LRRC4C: variants seen among roughly 807,000 people sequenced by gnomAD.
LRRC4C encodes the protein leucine-rich repeat-containing protein 4C.
A neutral mutation model predicts 33.6 loss-of-function variants in LRRC4C; 5 were observed. The observed-to-expected ratio is 0.15, with a 90% confidence interval of 0.08 to 0.31. The LOEUF (loss-of-function observed/expected upper bound fraction) is 0.31, where lower values mean the gene tolerates loss of function less well. Ranked by LOEUF, LRRC4C falls within the 10% of genes least tolerant of loss-of-function variation. The pLI, the probability that LRRC4C is intolerant of heterozygous loss-of-function variation, is 1.00. For missense variants in LRRC4C, 560 were observed against 796.7 expected (o/e 0.70, Z 3.58); for synonymous variants, 329 against 302.0 (o/e 1.09, Z -0.93).
At position 41,134,753 on chromosome 11, in the gene LRRC4C, T is replaced by C. The variant is rs186125885; in HGVS notation, c.-495-201030A>G. Among the ~76,000 whole-genome samples, 241 of 152,266 alleles carry C rather than the reference T, an allele frequency of 1.6e-3. 1 individual carries two copies. The highest frequency in any genetic ancestry group is 5.5e-3 in the African/African-American group (230 of 41,570). On this transcript the variant is annotated intron_variant, in intron 1 of 6. Transcript: ENST00000528697. Reference sequence around the variant, plus strand: ...TCATTTTAACTTAACTAGTTACATGTCCAATGACTTCATTTCAAAATAAAG... The same window carrying C: ...TCATTTTAACTTAACTAGTTACATGCCCAATGACTTCATTTCAAAATAAAG...
chr11:41,109,202 T>C (rs948022289), intron 1 of LRRC4C, among the ~76,000 whole-genome samples: 2 of 152,100 alleles, frequency 1.3e-5, no homozygotes, highest in African/African-American at 4.8e-5. Flanking sequence ...CCCTGTACTT[T>C]TCTACTATAT....
intron 3 of LRRC4C, among the ~76,000 whole-genome samples, chr11:40,426,169 A>G (rs1257815611): frequency 6.6e-6 from 1 of 151,958 alleles, no homozygotes; most frequent in African/African-American, 2.4e-5. Flanking sequence ...GCATGCCACT[A>G]TGCCCGGCTA....
intron 3 of LRRC4C, among the ~76,000 whole-genome samples, chr11:40,486,921 G>T (rs1953890833): frequency 6.6e-6 from 1 of 151,966 alleles, no homozygotes; most frequent in African/African-American, 2.4e-5. Flanking sequence ...TCGGTTATCT[G>T]TCTAACCAAT....
chr11:40,507,780 T>C (rs977744131), intron 3 of LRRC4C, among the ~76,000 whole-genome samples: 9 of 150,592 alleles, frequency 6.0e-5, no homozygotes, highest in Non-Finnish European at 1.3e-4. Context: ...CACTCTGTTG[T>C]GCAGGCTGGA....
At chr11:41,328,287 C>T (rs1591278377) in intron 1 of LRRC4C, among the ~76,000 whole-genome samples, 1 of 152,172 alleles carries the variant, frequency 6.6e-6, no homozygotes, top group African/African-American at 2.4e-5. Context: ...GGAGTGCTCC[C>T]CCTCCCAATA....
At chr11:40,981,002 T>A (rs1220279248) in intron 1 of LRRC4C, among the ~76,000 whole-genome samples, 1 of 152,204 alleles carries the variant, frequency 6.6e-6, no homozygotes, top group East Asian at 1.9e-4. Context: ...ACTATTATTA[T>A]CTTCATTTCT....
chr11:41,302,212 C>A (rs1374763458), intron 1 of LRRC4C, among the ~76,000 whole-genome samples: 5 of 152,084 alleles, frequency 3.3e-5, no homozygotes, highest in Non-Finnish European at 7.4e-5. Context: ...TAGGTTATAA[C>A]AGAAATTGAC....
chr11:41,235,065 TAA>T (rs1565503915), intron 1 of LRRC4C, among the ~76,000 whole-genome samples: 1 of 151,594 alleles, frequency 6.6e-6, no homozygotes, highest in South Asian at 2.1e-4. Context: ...AACATGTGGA[TAA>T]AAAAAAGAGG....
chr11:40,384,632 G>C (rs1443627298), intron 3 of LRRC4C, among the ~76,000 whole-genome samples: 1 of 152,082 alleles, frequency 6.6e-6, no homozygotes, highest in African/African-American at 2.4e-5. Context: ...AGATATATTT[G>C]ATCTATTGAA....
chr11:40,684,538 G>A (rs940702845), intron 2 of LRRC4C, among the ~76,000 whole-genome samples: 17 of 151,922 alleles, frequency 1.1e-4, no homozygotes, highest in Non-Finnish European at 2.2e-4. Context: ...ATGGGGATAT[G>A]CAAAAATCTT....
In LRRC4C at chr11:40,811,267, A is replaced by G. The variant is rs552149120; in HGVS notation, c.-407+122368T>C. ...TATCTAAAGTACTAATCACTATTAT[A>G]ATTTCTTACTTTATTTCCTCCATAG... is the stretch of plus-strand genomic sequence containing the variant. On this transcript the variant is annotated intron_variant, in intron 2 of 6. Coordinates refer to ENST00000528697, the MANE Select transcript of LRRC4C (RefSeq NM_001258419.2). Among the ~76,000 whole-genome samples, 10 of 152,236 alleles carry G rather than the reference A, an allele frequency of 6.6e-5. No individual in the cohort carries two copies. In the South Asian group the frequency reaches 2.1e-3, roughly 32 times the overall value.
intron 3 of LRRC4C, among the ~76,000 whole-genome samples, chr11:40,463,220 C>A (rs1193933743): frequency 6.6e-6 from 1 of 151,514 alleles, no homozygotes; most frequent in Non-Finnish European, 1.5e-5. Context: ...GTATTAGAGG[C>A]ATAGAAGTAC....
At chr11:41,009,312 C>T (rs1855001060) in intron 1 of LRRC4C, among the ~76,000 whole-genome samples, 1 of 151,428 alleles carries the variant, frequency 6.6e-6, no homozygotes, top group South Asian at 2.1e-4. Context: ...GTATCATTAT[C>T]TAGTAAAATT....
chr11:40,312,616 C>T (rs1476772450), intron 4 of LRRC4C, among the ~76,000 whole-genome samples: 1 of 152,034 alleles, frequency 6.6e-6, no homozygotes, highest in Non-Finnish European at 1.5e-5. Context: ...CCAGTTTTAC[C>T]CAAGAATGCT....
chr11:40,411,187 T>C (rs1296275418), intron 3 of LRRC4C, among the ~76,000 whole-genome samples: 1 of 152,070 alleles, frequency 6.6e-6, no homozygotes, highest in Non-Finnish European at 1.5e-5. Flanking sequence ...TTGAATTTTA[T>C]CGTTGTTAGA....
At chr11:41,254,286 C>T (rs953576419) in intron 1 of LRRC4C, among the ~76,000 whole-genome samples, 3 of 152,006 alleles carry the variant, frequency 2.0e-5, no homozygotes, top group African/African-American at 7.2e-5. Flanking sequence ...TGCACACCAA[C>T]CCATCACCTT....
intron 6 of LRRC4C, among the ~76,000 whole-genome samples, chr11:40,139,457 A>T (rs2134949899): frequency 6.6e-6 from 1 of 152,342 alleles, no homozygotes; most frequent in South Asian, 2.1e-4. Context: ...TCTTTTTTAA[A>T]TCATTAACTT....
intron 1 of LRRC4C, among the ~76,000 whole-genome samples, chr11:41,356,806 C>T (rs1952178084): frequency 6.6e-6 from 1 of 152,000 alleles, no homozygotes; most frequent in African/African-American, 2.4e-5. Context: ...AAGCTTACAC[C>T]CAAAGCATGC....
At chr11:40,890,524 A>G (rs1323058469) in intron 2 of LRRC4C, among the ~76,000 whole-genome samples, 1 of 152,210 alleles carries the variant, frequency 6.6e-6, no homozygotes, top group East Asian at 1.9e-4. Context: ...TCAAATATAT[A>G]AAATTTTGGA....
Sources: allele counts gnomAD v4.1 joint callset (sites outside exome capture counted in the v4.1 genomes callset), GRCh38; gene constraint gnomAD v4.1.1; transcripts MANE v1.5; gene names NCBI Gene and HGNC (gene_info 2026-07-23, HGNC 2026-07-21).